Variants in CTIF observed in about 807,000 individuals in gnomAD.
The protein encoded by CTIF is cap binding complex dependent translation initiation factor, also known as CBP80/20-dependent translation initiation factor.
Under a neutral mutation model 66.0 loss-of-function variants are expected in CTIF, and 21 were observed. The ratio of observed to expected loss-of-function variants is 0.32; its 90% CI spans 0.23 to 0.46. The LOEUF (loss-of-function observed/expected upper bound fraction) is 0.46, where lower values mean the gene tolerates loss of function less well. Ranked by LOEUF, CTIF falls within the 20% of genes least tolerant of loss-of-function variation. CTIF has a pLI of 1.00. For missense variants in CTIF, 739 were observed against 812.7 expected (o/e 0.91, Z 1.10); for synonymous variants, 345 against 326.4 (o/e 1.06, Z -0.62).
intron 10 of CTIF, among the ~76,000 whole-genome samples, chr18:48,830,499 C>T (rs1184734240): frequency 6.6e-6 from 1 of 152,154 alleles, no homozygotes; most frequent in African/African-American, 2.4e-5. Flanking sequence ...TTGACTTCCT[C>T]CCTTCCCTGT....
intron 1 of CTIF, among the ~76,000 whole-genome samples, chr18:48,603,604 TGGGTG>T (rs2090146556): frequency 7.1e-6 from 1 of 141,762 alleles, no homozygotes; most frequent in Non-Finnish European, 1.5e-5. Flanking sequence ...GATGGATGAA[TGGGTG>T]GGTGGGTGGA....
chr18:48,575,806 A>G (rs1045719165), intron 1 of CTIF, among the ~76,000 whole-genome samples: 1 of 152,272 alleles, frequency 6.6e-6, no homozygotes, highest in Non-Finnish European at 1.5e-5. Flanking sequence ...AGTTATCCAC[A>G]GTAAACACAG....
chr18:48,713,815 G>T (rs1377385992), intron 7 of CTIF, among the ~76,000 whole-genome samples: 1 of 152,222 alleles, frequency 6.6e-6, no homozygotes, highest in Non-Finnish European at 1.5e-5. Context: ...TTTTCAGCTA[G>T]ACCGAAGACA....
intron 7 of CTIF, among the ~76,000 whole-genome samples, chr18:48,753,996 G>C (rs1038636832): frequency 2.5e-4 from 38 of 152,208 alleles, no homozygotes; most frequent in African/African-American, 8.9e-4. Context: ...GGCTGGCCCA[G>C]CCAACGACCG....
At chr18:48,552,115 C>A (rs575225210) in intron 1 of CTIF, among the ~76,000 whole-genome samples, 75 of 152,328 alleles carry the variant, frequency 4.9e-4, no homozygotes, top group African/African-American at 1.3e-3. Context: ...TAATAACTTT[C>A]AAAGCCTAAC....
At chr18:48,820,685 C>T (rs563608156) in intron 10 of CTIF, among the ~76,000 whole-genome samples, 9 of 152,306 alleles carry the variant, frequency 5.9e-5, no homozygotes, top group Admixed American at 4.6e-4. Flanking sequence ...ACCCACGCCA[C>T]GGCCTTTCCG....
chr18:48,738,541 T>TC (rs35906843), intron 7 of CTIF, among the ~76,000 whole-genome samples: 3 of 150,986 alleles, frequency 2.0e-5, no homozygotes, highest in African/African-American at 4.9e-5. Context: ...CTGTTCCCCC[T>TC]CCCCGGATTG....
chr18:48,631,552 C>T (rs1244207257), intron 2 of CTIF, among the ~76,000 whole-genome samples: 7 of 152,176 alleles, frequency 4.6e-5, no homozygotes, highest in Non-Finnish European at 7.4e-5. Context: ...TTGTGAAATA[C>T]TTAAGATGGA....
chr18:48,665,626 A>C (rs1403541772), intron 5 of CTIF, among the ~76,000 whole-genome samples: 1 of 152,092 alleles, frequency 6.6e-6, no homozygotes, highest in Non-Finnish European at 1.5e-5. Flanking sequence ...CCACTAGGCA[A>C]TCATTCCCCA....
intron 1 of CTIF, among the ~76,000 whole-genome samples, chr18:48,590,800 C>G (rs2089871269): frequency 6.6e-6 from 1 of 152,168 alleles, no homozygotes; most frequent in Non-Finnish European, 1.5e-5. Flanking sequence ...CTGGCTTCTG[C>G]CACTCCTCAC....
chr18:48,800,753 C>CT (rs2068033138), intron 9 of CTIF, among the ~76,000 whole-genome samples: 1 of 152,234 alleles, frequency 6.6e-6, no homozygotes, highest in African/African-American at 2.4e-5. Flanking sequence ...AGACCTGGGG[C>CT]TTGCCCAGGT....
At chr18:48,723,184 G>A (rs953526301) in intron 7 of CTIF, among the ~76,000 whole-genome samples, 1 of 152,140 alleles carries the variant, frequency 6.6e-6, no homozygotes, top group Admixed American at 6.5e-5. Context: ...TCCGTCTGCT[G>A]GGCCCCTCCC....
At chr18:48,651,620 T>C (rs2091157462) in intron 3 of CTIF, among the ~76,000 whole-genome samples, 1 of 152,188 alleles carries the variant, frequency 6.6e-6, no homozygotes. Context: ...GCAGACCTAA[T>C]AGACATCTAC....
chr18:48,587,262 A>G (rs866091819), intron 1 of CTIF, among the ~76,000 whole-genome samples: 4 of 151,788 alleles, frequency 2.6e-5, no homozygotes, highest in Non-Finnish European at 4.4e-5. Context: ...TTGTATTTTT[A>G]GTAGAGATGG....
chr18:48,631,210 A>G (rs1410407427), intron 2 of CTIF, among the ~76,000 whole-genome samples: 1 of 152,038 alleles, frequency 6.6e-6, no homozygotes, highest in Non-Finnish European at 1.5e-5. Context: ...CCCACCTGTA[A>G]TCCTAGCACT....
rs562902597 is a variant in CTIF at position 48,833,541 on chromosome 18, C to A, written c.1527+16165C>A. Reference sequence around the variant, plus strand: ...GACGTTCCTAAAGCCTGCCTAGTCCCATCAGATCACCTCACCCCTTTCCTA... The same window carrying A: ...GACGTTCCTAAAGCCTGCCTAGTCCAATCAGATCACCTCACCCCTTTCCTA... On this transcript the variant is annotated intron_variant, in intron 10 of 11. Transcript: ENST00000256413. Among the ~76,000 whole-genome samples the A allele has an allele frequency of 3.3e-5, 5 of 152,290 alleles. No homozygotes were observed. In the South Asian group the frequency reaches 8.3e-4, roughly 25 times the overall value.
At chr18:48,604,278 G>T (rs960249890) in intron 1 of CTIF, among the ~76,000 whole-genome samples, 3 of 135,216 alleles carry the variant, frequency 2.2e-5, no homozygotes, top group African/African-American at 8.1e-5. Flanking sequence ...CTGGATTCAG[G>T]CCATTCTCCT....
In CTIF at chr18:48,543,054, G is replaced by A. The variant is rs141889833; in HGVS notation, c.-29+3742G>A. On this transcript the variant is annotated intron_variant, in intron 1 of 11. Transcript: ENST00000256413. Reference sequence around the variant, plus strand: ...GTTTCTGCCTTACAGGTCTGTGTAGGTGTGTTAATACAAGTCTGCTTTTTA... The same window carrying A: ...GTTTCTGCCTTACAGGTCTGTGTAGATGTGTTAATACAAGTCTGCTTTTTA... Among the ~76,000 whole-genome samples, 6 of 152,340 alleles carry A rather than the reference G, an allele frequency of 3.9e-5. No individual in the cohort carries two copies. The East Asian group carries it at 1.2e-3, about 29-fold the overall frequency.
At chr18:48,733,774 G>A (rs1201101341) in intron 7 of CTIF, among the ~76,000 whole-genome samples, 1 of 152,188 alleles carries the variant, frequency 6.6e-6, no homozygotes, top group East Asian at 1.9e-4. Context: ...GGACCCTCCT[G>A]GCTCTTCACA....
Sources: allele counts gnomAD v4.1 joint callset (sites outside exome capture counted in the v4.1 genomes callset), GRCh38; gene constraint gnomAD v4.1.1; transcripts MANE v1.5; gene names NCBI Gene and HGNC (gene_info 2026-07-23, HGNC 2026-07-21).